CA10: variants seen among roughly 807,000 people sequenced by gnomAD.
CA10 encodes carbonic anhydrase-related protein 10.
A neutral mutation model predicts 44.2 loss-of-function variants in CA10; 14 were observed. That is an observed-to-expected ratio of 0.32 (90% CI 0.21 to 0.50). The LOEUF (loss-of-function observed/expected upper bound fraction) is 0.50. Among genes scored for constraint, CA10 ranks in the 20% least tolerant of loss-of-function variants. CA10 has a pLI of 0.99. For synonymous variants in CA10, 159 were observed against 141.6 expected, an observed-to-expected ratio of 1.12 and a Z score of -0.87; for missense variants, 350 against 409.7, an observed-to-expected ratio of 0.85 and a Z score of 1.26.
At chr17:52,053,617 T>C (rs1424088061) in intron 2 of CA10, among the ~76,000 whole-genome samples, 1 of 151,908 alleles carries the variant, frequency 6.6e-6, no homozygotes, top group Non-Finnish European at 1.5e-5. Flanking sequence ...AGAAGAAATA[T>C]GGAAGATAAG....
intron 2 of CA10, among the ~76,000 whole-genome samples, chr17:51,961,412 C>T (rs1389076952): frequency 6.7e-6 from 1 of 150,282 alleles, no homozygotes; most frequent in Admixed American, 6.6e-5. Flanking sequence ...AAACAAAAAC[C>T]AAATTAAGCC....
intron 1 of CA10, among the ~76,000 whole-genome samples, chr17:52,099,503 G>T (rs570726866): frequency 6.6e-6 from 1 of 152,268 alleles, no homozygotes; most frequent in East Asian, 1.9e-4. Flanking sequence ...GGCTGTTGGG[G>T]TCACTTACTT....
chr17:52,055,503 C>T (rs1987203092), intron 2 of CA10, among the ~76,000 whole-genome samples: 1 of 151,980 alleles, frequency 6.6e-6, no homozygotes, highest in South Asian at 2.1e-4. Flanking sequence ...AGAAAGCCAT[C>T]AGTTGATATT....
intron 1 of CA10, among the ~76,000 whole-genome samples, chr17:52,074,917 A>C (rs897787489): frequency 3.9e-5 from 6 of 152,176 alleles, no homozygotes; most frequent in Admixed American, 3.9e-4. Flanking sequence ...ACATGTTAAA[A>C]TTATATTACA....
chr17:51,995,391 T>G (rs1326248764), intron 2 of CA10, among the ~76,000 whole-genome samples: 1 of 152,056 alleles, frequency 6.6e-6, no homozygotes, highest in African/African-American at 2.4e-5. Context: ...GAAACACAAA[T>G]GCTGAATTTT....
At chr17:52,020,641 C>T (rs1459170025) in intron 2 of CA10, among the ~76,000 whole-genome samples, 1 of 151,978 alleles carries the variant, frequency 6.6e-6, no homozygotes, top group African/African-American at 2.4e-5. Context: ...ATTTATTCTG[C>T]CTTCCATAAC....
At chr17:51,950,129 G>A (rs1170640403) in intron 2 of CA10, among the ~76,000 whole-genome samples, 3 of 152,014 alleles carry the variant, frequency 2.0e-5, no homozygotes. Flanking sequence ...AACATGCCCT[G>A]TCTCACCATC....
intron 3 of CA10, among the ~76,000 whole-genome samples, chr17:51,866,988 T>G (rs62063226): frequency 0.14 from 21,070 of 152,074 alleles, 2,033 homozygotes; most frequent in African/African-American, 0.28. Context: ...ACACTGAGCT[T>G]ATGGATCCCC....
intron 1 of CA10, among the ~76,000 whole-genome samples, chr17:52,088,102 G>A (rs1244287424): frequency 3.3e-5 from 5 of 152,054 alleles, no homozygotes. Context: ...AAAAGGGAGA[G>A]GATCAGGAAA....
chr17:51,675,765 A>G (rs1213231485), intron 4 of CA10, among the ~76,000 whole-genome samples: 1 of 152,082 alleles, frequency 6.6e-6, no homozygotes, highest in Non-Finnish European at 1.5e-5. Context: ...AATTCTCTCA[A>G]TCAGTAGTTC....
chr17:51,810,164 G>A (rs1907302778), intron 3 of CA10, among the ~76,000 whole-genome samples: 1 of 152,064 alleles, frequency 6.6e-6, no homozygotes, highest in African/African-American at 2.4e-5. Flanking sequence ...ATCAACATTG[G>A]TTATGTTTCT....
intron 2 of CA10, among the ~76,000 whole-genome samples, chr17:52,000,674 A>T (rs1047813436): frequency 1.3e-5 from 2 of 152,030 alleles, no homozygotes; most frequent in Non-Finnish European, 2.9e-5. Flanking sequence ...AATTCACTGA[A>T]ATAATGATAG....
intron 3 of CA10, among the ~76,000 whole-genome samples, chr17:51,825,809 C>T (rs761621940): frequency 6.6e-6 from 1 of 152,170 alleles, no homozygotes; most frequent in African/African-American, 2.4e-5. Flanking sequence ...CAAAATGATT[C>T]GAACGTTGCA....
intron 4 of CA10, among the ~76,000 whole-genome samples, chr17:51,695,489 T>C (rs1159992662): frequency 1.3e-5 from 2 of 152,176 alleles, no homozygotes; most frequent in Admixed American, 6.6e-5. Flanking sequence ...TATCGGTGTA[T>C]AGAAATGCTA....
At chr17:51,784,725 A>G (rs1220474673) in intron 3 of CA10, among the ~76,000 whole-genome samples, 1 of 152,268 alleles carries the variant, frequency 6.6e-6, no homozygotes, top group Non-Finnish European at 1.5e-5. Context: ...TAACAATCAC[A>G]TCATGGAGAA....
chr17:52,136,179 G>T (rs976279695), intron 1 of CA10, among the ~76,000 whole-genome samples: 5 of 152,300 alleles, frequency 3.3e-5, no homozygotes, highest in African/African-American at 1.2e-4. Context: ...ACGGATGGAG[G>T]AACTGGATGC....
rs144553673 is a variant in CA10, at chr17:51,939,066, A to G, written c.137-7934T>C. ...GTAACATCCTGAGGAAACCAGTGTG[A>G]AAGTGTATTAGGCATCATTCAACAT... On this transcript the variant is annotated intron_variant, in intron 2 of 8. Coordinates refer to ENST00000451037, the MANE Select transcript of CA10 (RefSeq NM_020178.5). Among the ~76,000 whole-genome samples, 463 of 152,232 alleles carry G rather than the reference A, an allele frequency of 3.0e-3. 3 individuals carry two copies. Among genetic ancestry groups the G allele is most frequent in the African/African-American group, 0.011 (449 of 41,546 alleles).
chr17:52,048,035 C>CACA (rs1986959540), intron 2 of CA10, among the ~76,000 whole-genome samples: 2 of 132,514 alleles, frequency 1.5e-5, no homozygotes, highest in Admixed American at 1.7e-4. Flanking sequence ...CTCCCACACC[C>CACA]ACAAAAATTA....
At chr17:51,673,661 C>G (rs1470273396) in intron 4 of CA10, among the ~76,000 whole-genome samples, 3 of 152,224 alleles carry the variant, frequency 2.0e-5, no homozygotes, top group Non-Finnish European at 4.4e-5. Flanking sequence ...TATTGCATCA[C>G]TTCCTAACTG....
Sources: allele counts gnomAD v4.1 joint callset (sites outside exome capture counted in the v4.1 genomes callset), GRCh38; gene constraint gnomAD v4.1.1; transcripts MANE v1.5; gene names NCBI Gene and HGNC (gene_info 2026-07-23, HGNC 2026-07-21).